CTNND2: variants seen among roughly 807,000 people sequenced by gnomAD.
CTNND2 encodes catenin delta 2.
A neutral mutation model predicts 144.4 loss-of-function variants in CTNND2; 22 were observed. The ratio of observed to expected loss-of-function variants is 0.15; its 90% CI spans 0.11 to 0.22. The LOEUF (loss-of-function observed/expected upper bound fraction) is 0.22. CTNND2 is among the 10% of genes least tolerant of loss of function. CTNND2 has a pLI of 1.00. For missense variants in CTNND2, 1,353 were observed against 1,618.8 expected (o/e 0.84, Z 2.82); for synonymous variants, 751 against 695.6 (o/e 1.08, Z -1.25).
At chr5:11,329,168 T>A (rs1294198676) in intron 9 of CTNND2, among the ~76,000 whole-genome samples, 1 of 152,164 alleles carries the variant, frequency 6.6e-6, no homozygotes, top group Non-Finnish European at 1.5e-5. Context: ...TTCTTTAAAA[T>A]TTTTTGAGAC....
At chr5:11,287,523 T>C (rs1028369259) in intron 9 of CTNND2, among the ~76,000 whole-genome samples, 1 of 152,216 alleles carries the variant, frequency 6.6e-6, no homozygotes, top group African/African-American at 2.4e-5. Context: ...ATGCCAAAGG[T>C]GCCAATGTTT....
chr5:11,869,567 T>C (rs1187928913), intron 1 of CTNND2, among the ~76,000 whole-genome samples: 6 of 152,198 alleles, frequency 3.9e-5, no homozygotes, highest in Non-Finnish European at 8.8e-5. Flanking sequence ...GGCTATGGGC[T>C]GCAAGAATGG....
intron 7 of CTNND2, among the ~76,000 whole-genome samples, chr5:11,376,322 G>GTGTGCGTGTGTGTGTGTGTTCATGTATC (rs1554044771): frequency 6.8e-6 from 1 of 146,080 alleles, no homozygotes; most frequent in African/African-American, 2.6e-5. Flanking sequence ...TTGTGTGTGT[G>GTGTGCGTGTGTGTGTGTGTTCATGTATC]TGTGTGTGTG....
At chr5:11,745,734 A>G (rs1469561341) in intron 1 of CTNND2, among the ~76,000 whole-genome samples, 2 of 152,290 alleles carry the variant, frequency 1.3e-5, no homozygotes, top group East Asian at 3.9e-4. Context: ...AAGTCCATGC[A>G]TTATTCATTA....
chr5:11,023,586 C>A (rs1185985523), intron 16 of CTNND2, among the ~76,000 whole-genome samples: 4 of 152,150 alleles, frequency 2.6e-5, no homozygotes, highest in Non-Finnish European at 5.9e-5. Context: ...AGGTACTTGA[C>A]AATCTATAAC....
intron 11 of CTNND2, among the ~76,000 whole-genome samples, chr5:11,190,323 C>A (rs1736114484): frequency 6.6e-6 from 1 of 152,202 alleles, no homozygotes; most frequent in Non-Finnish European, 1.5e-5. Context: ...CTTGGCCCAG[C>A]TCTGAGCTTC....
intron 2 of CTNND2, among the ~76,000 whole-genome samples, chr5:11,664,060 G>T (rs372106573): frequency 6.6e-6 from 1 of 152,172 alleles, no homozygotes; most frequent in African/African-American, 2.4e-5. Context: ...TAACACAAAA[G>T]GTTTAGTCTA....
At chr5:11,235,558 G>A (rs1741531628) in intron 10 of CTNND2, among the ~76,000 whole-genome samples, 1 of 152,102 alleles carries the variant, frequency 6.6e-6, no homozygotes, top group Non-Finnish European at 1.5e-5. Context: ...TTCTCTTGAG[G>A]GGGCTGCCCT....
intron 9 of CTNND2, among the ~76,000 whole-genome samples, chr5:11,333,189 G>A (rs1308334359): frequency 6.6e-6 from 1 of 152,152 alleles, no homozygotes; most frequent in African/African-American, 2.4e-5. Context: ...TCCATCATAT[G>A]TATACTGTAT....
intron 8 of CTNND2, among the ~76,000 whole-genome samples, chr5:11,363,381 T>A (rs1756655267): frequency 6.6e-6 from 1 of 152,216 alleles, no homozygotes; most frequent in Non-Finnish European, 1.5e-5. Flanking sequence ...AGATATTGAA[T>A]GTCACTGTGG....
chr5:11,251,312 C>T (rs2149933029), intron 9 of CTNND2, among the ~76,000 whole-genome samples: 1 of 152,268 alleles, frequency 6.6e-6, no homozygotes, highest in African/African-American at 2.4e-5. Context: ...CATCTACATC[C>T]TAACATGTCC....
At chr5:11,071,377 T>C (rs934123179) in intron 16 of CTNND2, among the ~76,000 whole-genome samples, 1 of 152,074 alleles carries the variant, frequency 6.6e-6, no homozygotes, top group African/African-American at 2.4e-5. Flanking sequence ...GTCTCTACTA[T>C]GAATACAAAA....
In CTNND2 at chr5:11,856,382, A is replaced by C. The variant is rs1437858678; in HGVS notation, c.37+47435T>G. Among the ~76,000 whole-genome samples, 6 of 152,148 alleles carry C rather than the reference A, an allele frequency of 3.9e-5. No homozygotes were observed. The East Asian group carries it at 1.2e-3, about 29-fold the overall frequency. On this transcript the variant is annotated intron_variant, in intron 1 of 21. Coordinates refer to ENST00000304623, the MANE Select transcript of CTNND2 (RefSeq NM_001332.4). ...GAAAGTTGGGAGTGAGTGTCATCTG[A>C]AGGAGTGTGGTCTTTATCACTTTTT... is the stretch of plus-strand genomic sequence containing the variant.
chr5:11,172,030 C>T (rs1458017477), intron 11 of CTNND2, among the ~76,000 whole-genome samples: 3 of 152,078 alleles, frequency 2.0e-5, no homozygotes, highest in African/African-American at 2.4e-5. Flanking sequence ...AGTATTAGGT[C>T]GGTGCAAAAG....
At chr5:11,552,680 C>A (rs777256901) in intron 3 of CTNND2, among the ~76,000 whole-genome samples, 4 of 152,190 alleles carry the variant, frequency 2.6e-5, no homozygotes, top group Non-Finnish European at 5.9e-5. Context: ...CTCACTGCAA[C>A]ACTTTCTGCT....
chr5:11,260,842 A>G (rs1744782485), intron 9 of CTNND2, among the ~76,000 whole-genome samples: 2 of 152,232 alleles, frequency 1.3e-5, no homozygotes, highest in Admixed American at 1.3e-4. Flanking sequence ...TTAAGGGGGT[A>G]ACATAAAATT....
intron 2 of CTNND2, among the ~76,000 whole-genome samples, chr5:11,577,339 T>A (rs1778049872): frequency 6.6e-6 from 1 of 152,164 alleles, no homozygotes; most frequent in Non-Finnish European, 1.5e-5. Flanking sequence ...CTGTTGACAG[T>A]TCTAAGTCTA....
chr5:11,422,836 A>G (rs1320682279), intron 3 of CTNND2, among the ~76,000 whole-genome samples: 1 of 152,200 alleles, frequency 6.6e-6, no homozygotes, highest in Non-Finnish European at 1.5e-5. Context: ...TTGTACTTAT[A>G]TTACAAGAGA....
intron 2 of CTNND2, among the ~76,000 whole-genome samples, chr5:11,646,338 T>C (rs1191554420): frequency 6.6e-6 from 1 of 152,114 alleles, no homozygotes; most frequent in Non-Finnish European, 1.5e-5. Context: ...AAATGAGGCT[T>C]AGAGAGATTA....
Sources: gnomAD v4.1 joint callset for allele counts (sites outside exome capture counted in the v4.1 genomes callset) on GRCh38, gnomAD v4.1.1 for gene constraint, MANE v1.5 for transcripts, NCBI Gene and HGNC (gene_info 2026-07-23, HGNC 2026-07-21) for gene names.